Variants in ARHGEF38 observed in about 807,000 individuals in gnomAD.
The protein encoded by ARHGEF38 is Rho guanine nucleotide exchange factor 38.
Under a neutral mutation model 79.9 loss-of-function variants are expected in ARHGEF38, and 79 were observed. The observed-to-expected ratio is 0.99, with a 90% CI of 0.82 to 1.19. ARHGEF38 has a LOEUF of 1.19. Among genes scored for constraint, ARHGEF38 ranks in the 50% most tolerant of loss-of-function variants. The pLI, the probability that ARHGEF38 is intolerant of heterozygous loss-of-function variation, is 0.00. For synonymous variants in ARHGEF38, 366 were observed against 328.3 expected, an observed-to-expected ratio of 1.11 and a Z score of -1.24; for missense variants, 962 against 907.2, an observed-to-expected ratio of 1.06 and a Z score of -0.78.
intron 1 of ARHGEF38, among the ~76,000 whole-genome samples, chr4:105,559,389 T>A (rs1005069129): frequency 6.6e-6 from 1 of 152,014 alleles, no homozygotes; most frequent in Non-Finnish European, 1.5e-5. Flanking sequence ...AAGGCACAAT[T>A]GATGATGGGG....
chr4:105,677,965 C>T lies in ARHGEF38; in HGVS notation c.*28C>T, dbSNP rs1373869639. On this transcript the variant is annotated 3_prime_UTR_variant, in exon 14 of 14. Coordinates refer to ENST00000420470, the MANE Select transcript of ARHGEF38 (RefSeq NM_001242729.2). Reference sequence around the variant, plus strand: ...AAATAAGCCTTCAACTTTTATTTTCCAGCAAGTTGTTGATTGACTACCTCA... The same window carrying T: ...AAATAAGCCTTCAACTTTTATTTTCTAGCAAGTTGTTGATTGACTACCTCA... The T allele has an allele frequency of 1.4e-6, 2 of 1,467,522 alleles. No homozygotes were observed. Among genetic ancestry groups the T allele is most frequent in the Non-Finnish European group, 1.8e-6 (2 of 1,106,726 alleles). 90.9% of individuals were successfully genotyped at this position (1,467,522 alleles called of 1,614,324 possible).
chr4:105,667,084 T>G, intron 11 of ARHGEF38, 45 bp from the exon 12 acceptor site: 1 of 1,430,728 alleles, frequency 7.0e-7, no homozygotes, highest in South Asian at 1.4e-5. Context: ...ATGAGGATTT[T>G]ATTATGTATC....
chr4:105,682,141 A>G (rs913830206), downstream of ARHGEF38, among the ~76,000 whole-genome samples: 1 of 152,220 alleles, frequency 6.6e-6, no homozygotes, highest in South Asian at 2.1e-4. Flanking sequence ...TTGGAAAAAG[A>G]TATACCCTTA....
chr4:105,669,131 A>G (rs72669998), intron 13 of ARHGEF38, among the ~76,000 whole-genome samples: 4 of 152,148 alleles, frequency 2.6e-5, no homozygotes. Flanking sequence ...GCTTGGGTAT[A>G]TCCTTTGTAT....
chr4:105,602,220 T>C (rs1727854771), intron 2 of ARHGEF38, among the ~76,000 whole-genome samples: 1 of 152,116 alleles, frequency 6.6e-6, no homozygotes, highest in Non-Finnish European at 1.5e-5. Flanking sequence ...TAAAAATGAG[T>C]TAATTCCTTT....
chr4:105,627,952 T>C (rs1302979353), intron 3 of ARHGEF38, among the ~76,000 whole-genome samples: 2 of 152,136 alleles, frequency 1.3e-5, no homozygotes, highest in East Asian at 1.9e-4. Flanking sequence ...ATAAATGACT[T>C]TCAATTAGAG....
intron 1 of ARHGEF38, among the ~76,000 whole-genome samples, chr4:105,566,392 T>G (rs984942640): frequency 1.3e-5 from 2 of 152,194 alleles, no homozygotes; most frequent in African/African-American, 4.8e-5. Context: ...TAATTCTATT[T>G]ATACTAACTA....
At chr4:105,590,074 AGAAGGAAGGAAGGAAGGAAGGAAGGAAG>A (rs70941203) in intron 2 of ARHGEF38, among the ~76,000 whole-genome samples, 59 of 109,550 alleles carry the variant, frequency 5.4e-4, no homozygotes, top group African/African-American at 1.5e-3. Flanking sequence ...AAAGAAAGAA[AGAAGGAAGGAAGGAAGGAAGGAAGGAAG>A]GAAGGAAGGA....
rs201949917 is a variant in ARHGEF38 at position 105,667,697 on chromosome 4, C to T, written c.2142C>T (p.Asp714=). 3.1e-5 allele frequency: 48 copies of T among 1,535,878 alleles called. No homozygotes were observed. The highest frequency in any genetic ancestry group is 4.9e-5 in the East Asian group (2 of 40,912). Residue 714 remains aspartate, a synonymous_variant, in exon 13 of 14, where the codon GAC becomes GAT. Coordinates refer to ENST00000420470, the MANE Select transcript of ARHGEF38 (RefSeq NM_001242729.2). ...GTDVDSFQEV[D]EQIFYAVHAF... ...ATGTTGACAGTTTTCAAGAAGTAGA[C>T]GAACAGGTAAAAATTTGATGTAAAA... is the stretch of plus-strand genomic sequence containing the variant.
chr4:105,662,832 A>G (rs1235263946), intron 10 of ARHGEF38, among the ~76,000 whole-genome samples: 1 of 152,138 alleles, frequency 6.6e-6, no homozygotes, highest in Non-Finnish European at 1.5e-5. Flanking sequence ...CCCCACTTTG[A>G]ATCATGTGAT....
intron 5 of ARHGEF38, among the ~76,000 whole-genome samples, chr4:105,644,519 A>T (rs1053192885): frequency 6.6e-6 from 1 of 152,238 alleles, no homozygotes; most frequent in Non-Finnish European, 1.5e-5. Flanking sequence ...TGCTAAAGGA[A>T]AAGTCAGGCA....
chr4:105,632,812 C>T (rs976283183), intron 4 of ARHGEF38: 1 of 152,260 alleles, frequency 6.6e-6, no homozygotes, highest in Admixed American at 6.5e-5. Context: ...TAGGCATGCG[C>T]TTCTAACTGT....
chr4:105,620,324 T>C (rs1245990839), intron 3 of ARHGEF38, among the ~76,000 whole-genome samples: 1 of 152,192 alleles, frequency 6.6e-6, no homozygotes, highest in Non-Finnish European at 1.5e-5. Flanking sequence ...AGATGTGCGA[T>C]CTTAGGCAAG....
chr4:105,648,437 A>G, intron 6 of ARHGEF38, 112 bp from the exon 7 acceptor site: 2 of 1,042,954 alleles, frequency 1.9e-6, no homozygotes, highest in Non-Finnish European at 2.6e-6. Context: ...AGGCTCAAAA[A>G]TCATATACAT....
rs147907336 is a variant in ARHGEF38 at position 105,659,522 on chromosome 4, T to C, written c.1545+157T>C. 2.8e-3 allele frequency among the ~76,000 whole-genome samples: 432 copies of C among 152,294 alleles called. 1 individual carries two copies. The highest frequency in any genetic ancestry group is 4.7e-3 in the Non-Finnish European group (317 of 68,016). On this transcript the variant is annotated intron_variant, in intron 10 of 13. Transcript: ENST00000420470. ...ATCCAGTCAGATAGTCTCCTGTTCCTTATCTGTCTTATCCATGGGAAACTC... is the reference window on the plus strand; with the variant it reads ...ATCCAGTCAGATAGTCTCCTGTTCCCTATCTGTCTTATCCATGGGAAACTC...
At chr4:105,629,037 A>G (rs1729072233) in intron 3 of ARHGEF38, among the ~76,000 whole-genome samples, 1 of 152,306 alleles carries the variant, frequency 6.6e-6, no homozygotes, top group Admixed American at 6.5e-5. Context: ...TGAAGGCACT[A>G]AGACTCAAAT....
intron 7 of ARHGEF38, among the ~76,000 whole-genome samples, chr4:105,650,434 G>GT (rs1730051486): frequency 6.6e-6 from 1 of 152,110 alleles, no homozygotes; most frequent in African/African-American, 2.4e-5. Flanking sequence ...TCAGGGCCCA[G>GT]TACCAGCAAC....
chr4:105,565,791 CT>C (rs1312692956), intron 1 of ARHGEF38, among the ~76,000 whole-genome samples: 1 of 152,116 alleles, frequency 6.6e-6, no homozygotes, highest in Non-Finnish European at 1.5e-5. Flanking sequence ...TTCCCTATTT[CT>C]TTAAATGGCA....
chr4:105,581,874 G>A (rs1003619332), intron 1 of ARHGEF38, among the ~76,000 whole-genome samples: 1 of 151,940 alleles, frequency 6.6e-6, no homozygotes, highest in African/African-American at 2.4e-5. Context: ...TTAAAATCTC[G>A]TATTCCTATG....
Sources: allele counts gnomAD v4.1 joint callset (sites outside exome capture counted in the v4.1 genomes callset), GRCh38; gene constraint gnomAD v4.1.1; transcripts MANE v1.5; gene names NCBI Gene and HGNC (gene_info 2026-07-23, HGNC 2026-07-21).